DMXL2: variants seen among roughly 807,000 people sequenced by gnomAD.
The protein encoded by DMXL2 is Dmx like 2, also known as dmX-like protein 2.
DMXL2 carries 103 observed loss-of-function variants against 331.1 expected under a neutral mutation model. That is an observed-to-expected ratio of 0.31 (90% CI 0.27 to 0.37). DMXL2 has a LOEUF of 0.37. Among genes scored for constraint, DMXL2 ranks in the 10% least tolerant of loss-of-function variants. The pLI is 1.00. For missense variants in DMXL2, 3,171 were observed against 3,642.9 expected, an observed-to-expected ratio of 0.87 and a Z score of 3.33; for synonymous variants, 1,281 against 1,252.1, an observed-to-expected ratio of 1.02 and a Z score of -0.49.
At position 51,502,874 on chromosome 15, in the gene DMXL2, C is replaced by T. The variant is rs1047999304; in HGVS notation, c.2924G>A (p.Arg975Lys). ...ATCAAGGGGTTGGCTATACACCAGT[C>T]TAGAACTCAGAATAAGTTTACTGGC... The part of the protein sequence containing the change: ...QTASKLILSS[R>K]LVYSQPLDLP... Residue 975 changes from arginine to lysine, a missense_variant, in exon 17 of 44, where the codon AGA (arginine) becomes AAA (lysine). Arg to Lys is a conservative substitution (Grantham distance 26). Coordinates refer to ENST00000560891, the MANE Select transcript of DMXL2 (RefSeq NM_001378457.1). 6.2e-7 allele frequency: 1 copy of T among 1,614,054 alleles called. No individual in the cohort carries two copies. Among genetic ancestry groups the T allele is most frequent in the African/African-American group, 1.3e-5 (1 of 75,008 alleles).
intron 1 of DMXL2, among the ~76,000 whole-genome samples, chr15:51,592,541 C>G (rs2052456559): frequency 6.6e-6 from 1 of 152,148 alleles, no homozygotes; most frequent in East Asian, 1.9e-4. Context: ...GGCAGGCCAA[C>G]ATTCAAATTC....
intron 1 of DMXL2, among the ~76,000 whole-genome samples, chr15:51,592,377 AAAAGAAACGAAC>A (rs1236273036): frequency 6.6e-6 from 1 of 152,194 alleles, no homozygotes; most frequent in African/African-American, 2.4e-5. Context: ...AAAAAGAATA[AAAAGAAACGAAC>A]AAAGCCTCCA....
chr15:51,557,408 A>G (rs1425267312), intron 6 of DMXL2, among the ~76,000 whole-genome samples: 2 of 152,200 alleles, frequency 1.3e-5, no homozygotes, highest in African/African-American at 4.8e-5. Flanking sequence ...CATCATGTTC[A>G]TAAACGGGAA....
intron 23 of DMXL2, among the ~76,000 whole-genome samples, chr15:51,485,866 C>T (rs866405480): frequency 6.6e-6 from 1 of 152,136 alleles, no homozygotes; most frequent in African/African-American, 2.4e-5. Flanking sequence ...ATGTGGCAAA[C>T]ATTTTGTATG....
rs2038873710 is a variant in DMXL2 at position 51,448,619 on chromosome 15, G to T, written c.*365C>A. On this transcript the variant is annotated 3_prime_UTR_variant, in exon 44 of 44. Transcript: ENST00000560891. ...GCAGGCATGCTTCAGTCAGTGGTAAGAACAGGAAGAAAAACCCAAATCAGC... is the reference window on the plus strand; with the variant it reads ...GCAGGCATGCTTCAGTCAGTGGTAATAACAGGAAGAAAAACCCAAATCAGC... The T allele has an allele frequency of 3.3e-6, 1 of 298,710 alleles. No homozygotes were observed. The highest frequency in any genetic ancestry group is 6.5e-6 in the Non-Finnish European group (1 of 153,962). The allele number at this position is 298,710 out of a possible 1,614,324, so 18.5% of individuals were successfully genotyped here.
chr15:51,496,233 C>T (rs538883169), intron 18 of DMXL2, among the ~76,000 whole-genome samples: 2 of 152,230 alleles, frequency 1.3e-5, no homozygotes, highest in East Asian at 3.9e-4. Flanking sequence ...AAGGCAAAGT[C>T]CCTACTCTCT....
chr15:51,536,712 G>A lies in DMXL2; in HGVS notation c.1768C>T (p.His590Tyr). 1 of 1,614,076 alleles carries A rather than the reference G, an allele frequency of 6.2e-7. No individual in the cohort carries two copies. Among genetic ancestry groups the A allele is most frequent in the Non-Finnish European group, 8.5e-7 (1 of 1,179,992 alleles). ...HQEGMSVGSP[H>Y]GSQPHSRSHS... ...GATCTAGAGTGTGGCTGTGATCCGT[G>A]AGGACTGCCTACAGACATCCCCTCC... Residue 590 changes from histidine to tyrosine, a missense_variant, in exon 12 of 44, where the codon CAC (histidine) becomes TAC (tyrosine). This residue lies in a region of DMXL2 where 1,674 missense variants were observed against 1,780.2 expected (regional missense o/e 0.94). Coordinates refer to ENST00000560891, the MANE Select transcript of DMXL2 (RefSeq NM_001378457.1).
chr15:51,451,609 A>G, intron 42 of DMXL2, 36 bp downstream of exon 42: 3 of 1,524,656 alleles, frequency 2.0e-6, no homozygotes, highest in Non-Finnish European at 2.7e-6. Context: ...TTATTCCTTC[A>G]TGGTATATTT....
At chr15:51,525,770 G>A (rs1027757745) in intron 13 of DMXL2, among the ~76,000 whole-genome samples, 3 of 151,976 alleles carry the variant, frequency 2.0e-5, no homozygotes, top group South Asian at 2.1e-4. Context: ...GTACCAGCTC[G>A]GCCACAGTAC....
chr15:51,594,339 C>A (rs1442580120), intron 1 of DMXL2, among the ~76,000 whole-genome samples: 1 of 152,208 alleles, frequency 6.6e-6, no homozygotes, highest in Non-Finnish European at 1.5e-5. Flanking sequence ...TTCCTCGACA[C>A]ATACACCCTC....
chr15:51,613,358 T>C (rs1270805867), intron 1 of DMXL2, among the ~76,000 whole-genome samples: 1 of 152,222 alleles, frequency 6.6e-6, no homozygotes, highest in African/African-American at 2.4e-5. Flanking sequence ...AACTAATAAA[T>C]GTCCATGAAA....
At chr15:51,570,969 C>T (rs994993670) in intron 2 of DMXL2, among the ~76,000 whole-genome samples, 4 of 152,014 alleles carry the variant, frequency 2.6e-5, no homozygotes, top group African/African-American at 4.8e-5. Flanking sequence ...CTAAATGCCC[C>T]AATTAAAAGA....
chr15:51,563,953 T>C (rs147896236), intron 5 of DMXL2, among the ~76,000 whole-genome samples, 172 bp downstream of exon 5: 187 of 151,076 alleles, frequency 1.2e-3, no homozygotes, highest in African/African-American at 2.6e-3. Flanking sequence ...TGATTAACTA[T>C]AGCACAAATT....
At chr15:51,601,194 G>C (rs1254085554) in intron 1 of DMXL2, among the ~76,000 whole-genome samples, 2 of 151,174 alleles carry the variant, frequency 1.3e-5, no homozygotes, top group East Asian at 3.9e-4. Context: ...GGGAGGCTGA[G>C]GCAGGAGAAT....
rs149490713 is a variant in DMXL2 at position 51,600,102 on chromosome 15, T to C, written c.87+22357A>G. Among the ~76,000 whole-genome samples the C allele has an allele frequency of 2.6e-3, 398 of 152,366 alleles. 18 individuals are homozygous for C. In the East Asian group the frequency reaches 0.062, roughly 24 times the overall value. ...CTGCAATTGTGGTTTATTTGTGTAGTGAATTCCTATAATTTTAGGTTGCCT... is the reference window on the plus strand; with the variant it reads ...CTGCAATTGTGGTTTATTTGTGTAGCGAATTCCTATAATTTTAGGTTGCCT... On this transcript the variant is annotated intron_variant, in intron 1 of 43. Coordinates refer to ENST00000560891, the MANE Select transcript of DMXL2 (RefSeq NM_001378457.1).
chr15:51,560,163 A>G (rs1295946059), intron 6 of DMXL2, among the ~76,000 whole-genome samples: 1 of 152,232 alleles, frequency 6.6e-6, no homozygotes, highest in Non-Finnish European at 1.5e-5. Flanking sequence ...GAATACTTTT[A>G]TAGCATCACA....
At chr15:51,460,265 C>T in intron 33 of DMXL2, 1 of 985,506 alleles carries the variant, frequency 1.0e-6, no homozygotes, top group Non-Finnish European at 1.2e-6. Context: ...AAGGTTTGAT[C>T]AGAGAAACAA....
intron 1 of DMXL2, among the ~76,000 whole-genome samples, chr15:51,597,971 ATTG>A (rs1481868916): frequency 4.6e-5 from 7 of 152,030 alleles, no homozygotes; most frequent in Admixed American, 4.6e-4. Context: ...TTCATCCGTT[ATTG>A]TTATCATTTT....
chr15:51,467,949 A>G (rs8038101), intron 29 of DMXL2, among the ~76,000 whole-genome samples: 71,174 of 151,924 alleles, frequency 0.47, 17,176 homozygotes, highest in Non-Finnish European at 0.52. Flanking sequence ...GATGGTCCCA[A>G]TCTCCTGACC....
Sources: gnomAD v4.1 joint callset for allele counts (sites outside exome capture counted in the v4.1 genomes callset) on GRCh38, gnomAD v4.1.1 for gene constraint, gnomAD v4.1.1 regional missense constraint, MANE v1.5 for transcripts, NCBI Gene and HGNC (gene_info 2026-07-23, HGNC 2026-07-21) for gene names.